Variants in KAT6B observed in about 807,000 individuals in gnomAD.
KAT6B encodes the protein lysine acetyltransferase 6B.
A neutral mutation model predicts 187.5 loss-of-function variants in KAT6B; 10 were observed. That is an observed-to-expected ratio of 0.05 (90% CI 0.03 to 0.09). KAT6B has a LOEUF of 0.09. KAT6B is among the 10% of genes least tolerant of loss of function. The pLI is 1.00. For synonymous variants in KAT6B, 861 were observed against 926.8 expected (o/e 0.93, Z 1.29); for missense variants, 1,952 against 2,558.9 (o/e 0.76, Z 5.12).
chr10:74,976,519 T>C (rs1842172559), intron 8 of KAT6B, 189 bp downstream of exon 8: 1 of 639,556 alleles, frequency 1.6e-6, no homozygotes, highest in African/African-American at 1.8e-5. Flanking sequence ...CTCCAAAATG[T>C]TGTTTTTCCA....
chr10:74,991,940 G>T (rs1444045609), intron 13 of KAT6B, among the ~76,000 whole-genome samples: 1 of 152,172 alleles, frequency 6.6e-6, no homozygotes, highest in Admixed American at 6.5e-5. Flanking sequence ...TTTCCAAAAT[G>T]ATTGAAATCC....
At chr10:74,848,559 A>ATT (rs59748904) in intron 3 of KAT6B, among the ~76,000 whole-genome samples, 16 of 147,212 alleles carry the variant, frequency 1.1e-4, no homozygotes, top group African/African-American at 3.5e-4. Context: ...GTGGTTTTTA[A>ATT]TTTTTTTTTT....
intron 3 of KAT6B, among the ~76,000 whole-genome samples, chr10:74,938,135 T>C (rs1391939112): frequency 6.6e-6 from 1 of 152,286 alleles, no homozygotes; most frequent in East Asian, 1.9e-4. Context: ...GTTGTCGTTG[T>C]TGTTTTTAAA....
At chr10:74,828,749 A>G (rs993731045) in intron 1 of KAT6B, among the ~76,000 whole-genome samples, 2 of 151,580 alleles carry the variant, frequency 1.3e-5, no homozygotes, top group African/African-American at 2.4e-5. Flanking sequence ...TTGTATATTT[A>G]GTAGAGACGG....
chr10:74,958,306 A>G (rs1015056678), intron 3 of KAT6B, among the ~76,000 whole-genome samples: 6 of 152,262 alleles, frequency 3.9e-5, no homozygotes, highest in Admixed American at 2.0e-4. Flanking sequence ...CATTTGGGCT[A>G]GAGTGGCTGA....
intron 13 of KAT6B, among the ~76,000 whole-genome samples, chr10:75,019,364 T>G (rs1845214488): frequency 6.6e-6 from 1 of 152,210 alleles, no homozygotes; most frequent in Non-Finnish European, 1.5e-5. Context: ...GCTGGATTCT[T>G]GTTTTGTATT....
chr10:74,961,571 C>G (rs1841097933), intron 4 of KAT6B, among the ~76,000 whole-genome samples: 1 of 152,154 alleles, frequency 6.6e-6, no homozygotes, highest in Non-Finnish European at 1.5e-5. Context: ...AGTTCGAGAT[C>G]ATTATCTTCT....
At chr10:74,898,683 G>A (rs781775036) in intron 3 of KAT6B, among the ~76,000 whole-genome samples, 2 of 152,160 alleles carry the variant, frequency 1.3e-5, no homozygotes, top group Non-Finnish European at 2.9e-5. Flanking sequence ...CCACTTGGGT[G>A]TCCTGGCTCT....
intron 7 of KAT6B, among the ~76,000 whole-genome samples, chr10:74,973,260 A>G (rs1225150018): frequency 1.3e-5 from 2 of 152,214 alleles, no homozygotes; most frequent in African/African-American, 2.4e-5. Flanking sequence ...CATTTTCACT[A>G]TCTTGTTGCT....
intron 3 of KAT6B, among the ~76,000 whole-genome samples, chr10:74,947,788 C>T (rs1046320111): frequency 2.6e-4 from 39 of 152,216 alleles, no homozygotes; most frequent in Non-Finnish European, 5.6e-4. Flanking sequence ...AAGGCCTTGT[C>T]ATGCCTGGTA....
intron 3 of KAT6B, among the ~76,000 whole-genome samples, chr10:74,892,582 TAA>T (rs1438379745): frequency 6.6e-6 from 1 of 152,098 alleles, no homozygotes; most frequent in Non-Finnish European, 1.5e-5. Flanking sequence ...GAGAAGAGTA[TAA>T]GTCAGTTGCT....
intron 3 of KAT6B, among the ~76,000 whole-genome samples, chr10:74,919,892 A>T (rs1326481023): frequency 6.6e-6 from 1 of 152,116 alleles, no homozygotes; most frequent in Non-Finnish European, 1.5e-5. Context: ...TTAGTTATCA[A>T]ATTTGTCATC....
At chr10:74,970,937 A>T (rs942786123) in intron 6 of KAT6B, among the ~76,000 whole-genome samples, 4 of 152,166 alleles carry the variant, frequency 2.6e-5, no homozygotes, top group African/African-American at 7.2e-5. Context: ...AGAACTCCAT[A>T]GTATAGAGCA....
intron 13 of KAT6B, among the ~76,000 whole-genome samples, chr10:74,991,471 C>T (rs1384997977): frequency 1.3e-5 from 2 of 151,976 alleles, no homozygotes; most frequent in Non-Finnish European, 2.9e-5. Flanking sequence ...AATGCTATGT[C>T]TTTTTTTTAA....
chr10:74,900,294 A>G (rs1192427626), intron 3 of KAT6B, among the ~76,000 whole-genome samples: 1 of 152,272 alleles, frequency 6.6e-6, no homozygotes, highest in Non-Finnish European at 1.5e-5. Context: ...TAATTAATTC[A>G]TATCAGACTT....
chr10:75,015,369 G>A (rs1844906438), intron 13 of KAT6B, among the ~76,000 whole-genome samples: 1 of 152,154 alleles, frequency 6.6e-6, no homozygotes. Flanking sequence ...GTCATTTAGA[G>A]CACGGCTGTT....
chr10:74,952,153 G>A (rs372175613), intron 3 of KAT6B, among the ~76,000 whole-genome samples: 13 of 152,188 alleles, frequency 8.5e-5, no homozygotes, highest in African/African-American at 2.6e-4. Flanking sequence ...TTAGGAGTTC[G>A]AGATGGCCTG....
At chr10:74,856,512 T>C (rs1160555416) in intron 3 of KAT6B, among the ~76,000 whole-genome samples, 1 of 152,068 alleles carries the variant, frequency 6.6e-6, no homozygotes, top group African/African-American at 2.4e-5. Context: ...TTTTGAAGAG[T>C]CTAGGGTAGT....
In KAT6B at chr10:75,025,152, G is replaced by A. The variant is rs757373443; in HGVS notation, c.3567G>A (p.Leu1189=). The A allele has an allele frequency of 1.2e-6, 2 of 1,614,102 alleles. No homozygotes were observed. The highest frequency in any genetic ancestry group is 1.3e-5 in the African/African-American group (1 of 74,936). The change falls in exon 17 of 18, where the codon CTG becomes CTA. Residue 1189 remains leucine, a synonymous_variant. Coordinates refer to ENST00000287239, the MANE Select transcript of KAT6B (RefSeq NM_012330.4). ...AGGAAGATGGCAGGAAGCCAGTCCTGAGAAAAGCATTCCAGCATCAGCCTG... is the reference window on the plus strand; with the variant it reads ...AGGAAGATGGCAGGAAGCCAGTCCTAAGAAAAGCATTCCAGCATCAGCCTG... The part of the protein sequence containing the change: ...EVEEDGRKPV[L]RKAFQHQPGK...
Sources: gnomAD v4.1 joint callset for allele counts (sites outside exome capture counted in the v4.1 genomes callset) on GRCh38, gnomAD v4.1.1 for gene constraint, MANE v1.5 for transcripts, NCBI Gene and HGNC (gene_info 2026-07-23, HGNC 2026-07-21) for gene names.